The following IFI16 variants were observed in gnomAD, a reference collection of about 807,000 sequenced individuals.
IFI16 encodes the protein gamma-interferon-inducible protein 16.
IFI16 carries 49 observed loss-of-function variants against 68.4 expected under a neutral mutation model. The ratio of observed to expected loss-of-function variants is 0.72; its 90% confidence interval spans 0.57 to 0.91. IFI16 has a LOEUF of 0.91. Among genes scored for constraint, IFI16 ranks in the 40% least tolerant of loss-of-function variants. The pLI, the probability that IFI16 is intolerant of heterozygous loss-of-function variation, is 0.00. For missense variants in IFI16, 878 were observed against 942.9 expected (o/e 0.93, Z 0.90); for synonymous variants, 307 against 315.0 (o/e 0.97, Z 0.27).
At chr1:159,016,730 G>T (rs778337259) in intron 4 of IFI16, 30 bp downstream of exon 4, 43 of 1,583,784 alleles carry the variant, frequency 2.7e-5, no homozygotes, top group Non-Finnish European at 3.7e-5. Flanking sequence ...ATTTTGCTTT[G>T]TTTTTTTCAA....
chr1:159,009,196 A>C (rs2101787588), upstream of IFI16: 1 of 152,308 alleles, frequency 6.6e-6, no homozygotes, highest in East Asian at 1.9e-4. Flanking sequence ...AATGCAGAAA[A>C]TCTGAGCATT....
intron 10 of IFI16, 120 bp downstream of exon 10, chr1:159,052,218 C>T: frequency 1.5e-6 from 1 of 686,044 alleles, no homozygotes; most frequent in Admixed American, 2.7e-5. Flanking sequence ...CTTCACCCTT[C>T]CCCCAGCACT....
At chr1:159,047,405 ATG>A (rs1655061112) in intron 8 of IFI16, among the ~76,000 whole-genome samples, 1 of 147,914 alleles carries the variant, frequency 6.8e-6, no homozygotes, top group South Asian at 2.1e-4. Flanking sequence ...GGTAGAGCCC[ATG>A]TGTAGTCATG....
chr1:159,019,934 C>G (rs1653194899), intron 5 of IFI16, among the ~76,000 whole-genome samples: 1 of 152,114 alleles, frequency 6.6e-6, no homozygotes, highest in African/African-American at 2.4e-5. Context: ...TTACCAGAAG[C>G]TTGCTTTTTC....
chr1:159,043,724 G>C (rs1370740533), intron 7 of IFI16, among the ~76,000 whole-genome samples: 6 of 152,094 alleles, frequency 3.9e-5, no homozygotes, highest in Non-Finnish European at 5.9e-5. Flanking sequence ...CATAATTCAT[G>C]AACAGGGTAG....
At chr1:159,044,100 C>T (rs1654832773) in intron 7 of IFI16, among the ~76,000 whole-genome samples, 1 of 152,078 alleles carries the variant, frequency 6.6e-6, no homozygotes, top group South Asian at 2.1e-4. Context: ...TTACTGAGCT[C>T]TGGACTCTAA....
intron 1 of IFI16, among the ~76,000 whole-genome samples, chr1:159,013,460 G>A (rs1050426046): frequency 1.3e-5 from 2 of 152,080 alleles, no homozygotes; most frequent in Non-Finnish European, 2.9e-5. Context: ...GAGCCACTGC[G>A]CCTGGCCCAA....
intron 10 of IFI16, 137 bp downstream of exon 10, chr1:159,052,235 A>T: frequency 1.6e-6 from 1 of 637,064 alleles, no homozygotes; most frequent in Non-Finnish European, 2.7e-6. Flanking sequence ...CACTAGAGAT[A>T]ATTGAATAGA....
chr1:159,021,546 G>T (rs945938638), intron 6 of IFI16, among the ~76,000 whole-genome samples: 1 of 152,156 alleles, frequency 6.6e-6, no homozygotes, highest in African/African-American at 2.4e-5. Context: ...GTTGTGAATT[G>T]TGCTGCTGTA....
chr1:159,036,769 A>T (rs1355413886), intron 7 of IFI16, among the ~76,000 whole-genome samples: 1 of 152,130 alleles, frequency 6.6e-6, no homozygotes, highest in Non-Finnish European at 1.5e-5. Flanking sequence ...CTGTATCTTC[A>T]GTGTAAGTCA....
upstream of IFI16, among the ~76,000 whole-genome samples, chr1:159,006,672 G>A (rs1652272945): frequency 6.6e-6 from 1 of 152,166 alleles, no homozygotes; most frequent in Admixed American, 6.5e-5. Flanking sequence ...AAGGCTGGGT[G>A]ATTAAAGAGA....
upstream of IFI16, among the ~76,000 whole-genome samples, chr1:159,003,241 T>G (rs140094143): frequency 3.0e-3 from 461 of 152,340 alleles, 2 homozygotes; most frequent in Middle Eastern, 0.024. Context: ...ACTTTCAGAC[T>G]AAGCTGATAG....
At position 159,051,749 on chromosome 1, in the gene IFI16, A is replaced by T. The variant is rs201040881; in HGVS notation, c.1736A>T (p.Glu579Val). The stretch of plus-strand genomic sequence containing the variant: ...GACAGTGCCCAGAGTGACCTCAAAG[A>T]AGTGATGGTGCTGAACGCAACAGAA... ...IEDSAQSDLKEVMVLNATESF... is the reference protein window; with the variant it reads ...IEDSAQSDLKVVMVLNATESF... Residue 579 changes from glutamate (E) to valine (V), a missense_variant, in exon 10 of 12, where the codon GAA (glutamate) becomes GTA (valine). By Grantham distance (121) the Glu-to-Val change is moderately radical (BLOSUM62 -2). Transcript: ENST00000295809. 4 of 1,614,110 alleles carry T rather than the reference A, an allele frequency of 2.5e-6. No individual in the cohort carries two copies. Among genetic ancestry groups the T allele is most frequent in the Non-Finnish European group, 3.4e-6 (4 of 1,179,942 alleles).
rs1230860716 is a variant in IFI16 at position 159,055,136 on chromosome 1, T to C, written c.*235T>C. 6.2e-6 allele frequency: 2 copies of C among 321,968 alleles called. No individual in the cohort carries two copies. The highest frequency in any genetic ancestry group is 4.5e-5 in the Admixed American group (1 of 22,280). 19.9% of individuals were successfully genotyped at this position (321,968 alleles called of 1,614,324 possible). A position where few individuals can be genotyped will look rare whatever the true frequency, so the allele number is the denominator to read the frequency against. ...ATAATTTGAAAAAATAAATAAACAT[T>C]ATCTTTTTTGTGAAAGGAATGCTTC... On this transcript the variant is annotated 3_prime_UTR_variant, in exon 12 of 12. Transcript: ENST00000295809.
At chr1:159,039,813 TC>T (rs1654519355) in intron 7 of IFI16, among the ~76,000 whole-genome samples, 1 of 152,190 alleles carries the variant, frequency 6.6e-6, no homozygotes, top group South Asian at 2.1e-4. Context: ...GAGTGAGCCA[TC>T]CTCAGACTTC....
intron 1 of IFI16, among the ~76,000 whole-genome samples, chr1:159,011,534 CAT>C (rs1652561111): frequency 2.0e-5 from 3 of 151,792 alleles, no homozygotes; most frequent in South Asian, 4.1e-4. Context: ...GATGTCTGTA[CAT>C]GTGTGTATAT....
In IFI16 at chr1:159,054,766, A is replaced by G. The variant is rs1655577739; in HGVS notation, c.2278-55A>G. On this transcript the variant is annotated intron_variant, in intron 11 of 11. Transcript: ENST00000295809. Reference sequence around the variant, plus strand: ...GAGATACAGTGTGATTGAAGGGAGAAATGTAGGATCATCAGCATCTCAACT... The same window carrying G: ...GAGATACAGTGTGATTGAAGGGAGAGATGTAGGATCATCAGCATCTCAACT... 4 of 871,748 alleles carry G rather than the reference A, an allele frequency of 4.6e-6. No homozygotes were observed. In the Admixed American group the frequency reaches 5.7e-5, roughly 12 times the overall value. 54.0% of individuals were successfully genotyped at this position (871,748 alleles called of 1,614,324 possible). A position where few individuals can be genotyped will look rare whatever the true frequency, so the allele number is the denominator to read the frequency against.
chr1:159,053,460 C>A, intron 10 of IFI16, 73 bp from the exon 11 acceptor site: 2 of 1,093,434 alleles, frequency 1.8e-6, no homozygotes, highest in Non-Finnish European at 1.4e-6. Flanking sequence ...TTTCCAGAAA[C>A]ACCCTGTATT....
At chr1:159,032,444 G>A (rs1654053725) in intron 6 of IFI16, 80 bp from the exon 7 acceptor site, 13 of 834,706 alleles carry the variant, frequency 1.6e-5, no homozygotes, top group Middle Eastern at 2.3e-4. Flanking sequence ...ATCTAATAAA[G>A]GATGATATTC....
Sources: gnomAD v4.1 joint callset for allele counts (sites outside exome capture counted in the v4.1 genomes callset) on GRCh38, gnomAD v4.1.1 for gene constraint, MANE v1.5 for transcripts, NCBI Gene and HGNC (gene_info 2026-07-23, HGNC 2026-07-21) for gene names.